Variants in TRERF1 observed in about 807,000 individuals in gnomAD.
The protein encoded by TRERF1 is transcriptional-regulating factor 1.
TRERF1 carries 27 observed loss-of-function variants against 122.9 expected under a neutral mutation model. The ratio of observed to expected loss-of-function variants is 0.22; its 90% CI spans 0.16 to 0.30. The LOEUF is 0.30. Among genes scored for constraint, TRERF1 ranks in the 10% least tolerant of loss-of-function variants. The probability of loss-of-function intolerance (pLI) is 1.00; values close to 1 mark genes in which losing one functional copy is unlikely to be tolerated. For missense variants in TRERF1, 1,248 were observed against 1,560.3 expected (o/e 0.80, Z 3.37); for synonymous variants, 636 against 641.7 (o/e 0.99, Z 0.13).
intron 2 of TRERF1, among the ~76,000 whole-genome samples, chr6:42,431,469 G>T (rs966334088): frequency 4.6e-5 from 7 of 152,182 alleles, no homozygotes; most frequent in Non-Finnish European, 8.8e-5. Flanking sequence ...TTCACTCCCT[G>T]CAGTTTATTA....
At chr6:42,300,611 C>G (rs1428307212) in intron 4 of TRERF1, 27 bp downstream of exon 4, 1 of 152,624 alleles carries the variant, frequency 6.6e-6, no homozygotes, top group Non-Finnish European at 1.5e-5. Flanking sequence ...ATTCCTCAGC[C>G]TTCCAGAAGA....
At chr6:42,314,229 C>T (rs7761002) in intron 3 of TRERF1, among the ~76,000 whole-genome samples, 14,039 of 152,188 alleles carry the variant, frequency 0.092, 1,154 homozygotes, top group East Asian at 0.4. Context: ...AATTCAGAAC[C>T]CTAGCTGATG....
At chr6:42,406,603 T>C (rs553657797) in intron 2 of TRERF1, among the ~76,000 whole-genome samples, 1 of 152,116 alleles carries the variant, frequency 6.6e-6, no homozygotes, top group Non-Finnish European at 1.5e-5. Context: ...ATCTACCTAA[T>C]GTCTTCTGGA....
In TRERF1 at chr6:42,259,745, G is replaced by A. The variant is rs776608312; in HGVS notation, c.1885-22C>T. 1 of 1,599,862 alleles carries A rather than the reference G, an allele frequency of 6.3e-7. No homozygotes were observed. Among genetic ancestry groups the A allele is most frequent in the Non-Finnish European group, 8.5e-7 (1 of 1,179,834 alleles). On this transcript the variant is annotated intron_variant, in intron 8 of 17. Transcript: ENST00000372922. The surrounding 1 kb of genome is among the most constrained non-coding windows in gnomAD (Gnocchi z 4.9). ...TTTCCTAAAACCGGAACAACGATCT[G>A]ATTCGAATACTTCAGCTTCCCCCGC... is the stretch of plus-strand genomic sequence containing the variant.
intron 2 of TRERF1, among the ~76,000 whole-genome samples, chr6:42,421,548 C>T (rs1042858444): frequency 1.3e-5 from 2 of 151,562 alleles, no homozygotes; most frequent in Non-Finnish European, 2.9e-5. Flanking sequence ...CTGAGGCAGG[C>T]GGATTGCCTG....
intron 4 of TRERF1, among the ~76,000 whole-genome samples, chr6:42,299,122 CTA>C (rs1785635441): frequency 1.1e-4 from 13 of 122,124 alleles, no homozygotes; most frequent in African/African-American, 4.5e-4. Context: ...CTGTCTCTAT[CTA>C]TCTATCTATC....
chr6:42,361,242 A>T (rs1399127981), intron 3 of TRERF1, among the ~76,000 whole-genome samples: 3 of 152,168 alleles, frequency 2.0e-5, no homozygotes, highest in Non-Finnish European at 2.9e-5. Flanking sequence ...CCAGAACCTG[A>T]CCATACTGGC....
At chr6:42,448,013 TA>T (rs1787846558) in intron 2 of TRERF1, among the ~76,000 whole-genome samples, 2 of 152,132 alleles carry the variant, frequency 1.3e-5, no homozygotes, top group Admixed American at 1.3e-4. Flanking sequence ...CCTAAATCCT[TA>T]CTTTTCATGG....
At chr6:42,264,563 C>G in intron 7 of TRERF1, 141 bp downstream of exon 7, 1 of 1,355,746 alleles carries the variant, frequency 7.4e-7, no homozygotes. Context: ...CTCCCAGCGC[C>G]AAAGCCTAAG....
At position 42,408,321 on chromosome 6, in the gene TRERF1, GTATA is replaced by G. The variant is rs368939129; in HGVS notation, c.-454+42852_-454+42855del. Among the ~76,000 whole-genome samples the G allele has an allele frequency of 2.7e-3, 307 of 114,130 alleles. 9 individuals carry two copies. Among genetic ancestry groups the G allele is most frequent in the African/African-American group, 0.01 (296 of 29,182 alleles). 74.9% of individuals were successfully genotyped at this position (114,130 alleles called of 152,430 possible). On this transcript the variant is annotated intron_variant, in intron 2 of 17. Transcript: ENST00000372922. ...TGTATATATACATACTCATGTGTGT[GTATA>G]TATATATATACATACACGTGTGTGT...
chr6:42,256,275 G>A (rs1776730292), intron 12 of TRERF1, among the ~76,000 whole-genome samples: 1 of 152,146 alleles, frequency 6.6e-6, no homozygotes, highest in Admixed American at 6.5e-5. Context: ...TTGGTGAACA[G>A]TAAACACTTT....
chr6:42,348,449 C>T (rs1340574999), intron 3 of TRERF1, among the ~76,000 whole-genome samples: 1 of 152,048 alleles, frequency 6.6e-6, no homozygotes, highest in African/African-American at 2.4e-5. Context: ...GACGGAGTTT[C>T]ACCATGTTGG....
Position 42,393,473 on chromosome 6 carries a change from A to G in TRERF1, c.-453-30394T>C, listed in dbSNP as rs1778086222. On this transcript the variant is annotated intron_variant, in intron 2 of 17. Coordinates refer to ENST00000372922, the Ensembl canonical transcript of TRERF1. The surrounding 1 kb of genome is among the most constrained non-coding windows in gnomAD (Gnocchi z 4.1). ...GAAGTAAGTAAAGGTCAGAACAGAG[A>G]TTCAGGAGAGGTACAGCACTTAAGC... Among the ~76,000 whole-genome samples the G allele has an allele frequency of 6.6e-6, 1 of 152,198 alleles. No homozygotes were observed. Among genetic ancestry groups the G allele is most frequent in the African/African-American group, 2.4e-5 (1 of 41,424 alleles).
chr6:42,315,137 G>T (rs984918731), intron 3 of TRERF1, among the ~76,000 whole-genome samples: 2 of 152,152 alleles, frequency 1.3e-5, no homozygotes, highest in Non-Finnish European at 2.9e-5. Context: ...CATTATGTAG[G>T]GTAGTGGTCT....
At chr6:42,390,220 T>A (rs926020914) in intron 2 of TRERF1, among the ~76,000 whole-genome samples, 1 of 152,184 alleles carries the variant, frequency 6.6e-6, no homozygotes, top group African/African-American at 2.4e-5. Context: ...TAAATAACTT[T>A]CCCAGCCTTT....
chr6:42,376,646 G>C (rs1343949299), intron 2 of TRERF1, among the ~76,000 whole-genome samples: 1 of 148,204 alleles, frequency 6.7e-6, no homozygotes, highest in Non-Finnish European at 1.5e-5. Context: ...GGGTTCAAGC[G>C]ATTCTCCTTT....
intron 1 of TRERF1, 37 bp from the exon 1 acceptor site, chr6:42,451,963 C>T (rs1788633580): frequency 6.5e-6 from 1 of 152,712 alleles, no homozygotes; most frequent in African/African-American, 2.4e-5. Flanking sequence ...ATATGTATCT[C>T]TCGCCCCTCC....
Position 42,259,218 on chromosome 6 carries a change from C to A in TRERF1, c.2269+121G>T. 7.5e-7 allele frequency: 1 copy of A among 1,326,840 alleles called. No individual in the cohort carries two copies. Among genetic ancestry groups the A allele is most frequent in the Non-Finnish European group, 9.9e-7 (1 of 1,012,330 alleles). The allele number at this position is 1,326,840 out of a possible 1,614,324, so 82.2% of individuals were successfully genotyped here. ...CTTTCTTAACACCCAGCAGCGCGTGCTACATACAGCCAATACTCCGCAAAA... is the reference window on the plus strand; with the variant it reads ...CTTTCTTAACACCCAGCAGCGCGTGATACATACAGCCAATACTCCGCAAAA... On this transcript the variant is annotated intron_variant, in intron 9 of 17. Transcript: ENST00000372922. This position sits in a 1 kb window ranked among gnomAD's most constrained non-coding sequence, Gnocchi z 4.9.
intron 8 of TRERF1, among the ~76,000 whole-genome samples, chr6:42,261,983 G>GT (rs959203821): frequency 3.3e-5 from 5 of 151,722 alleles, no homozygotes; most frequent in Non-Finnish European, 7.4e-5. Flanking sequence ...TCTTGAAGGG[G>GT]TGGGGGGGGT....
Sources: allele counts gnomAD v4.1 joint callset (sites outside exome capture counted in the v4.1 genomes callset), GRCh38; gene constraint gnomAD v4.1.1; non-coding constraint Gnocchi (gnomAD v3.1); transcripts MANE v1.5; gene names NCBI Gene and HGNC (gene_info 2026-07-23, HGNC 2026-07-21).